VPS50: variants seen among roughly 807,000 people sequenced by gnomAD.
VPS50 encodes the protein VPS50 subunit of EARP/GARPII complex.
A neutral mutation model predicts 139.7 loss-of-function variants in VPS50; 70 were observed. That is an observed-to-expected ratio of 0.50 (90% CI 0.41 to 0.61). VPS50 has a LOEUF of 0.61. Among genes scored for constraint, VPS50 ranks in the 20% least tolerant of loss-of-function variants. VPS50 has a pLI of 0.00. For missense variants in VPS50, 921 were observed against 1,133.7 expected, an observed-to-expected ratio of 0.81 and a Z score of 2.69; for synonymous variants, 365 against 376.7, an observed-to-expected ratio of 0.97 and a Z score of 0.36.
At chr7:93,261,470 G>A (rs1379793992) in intron 9 of VPS50, among the ~76,000 whole-genome samples, 2 of 152,070 alleles carry the variant, frequency 1.3e-5, no homozygotes, top group Non-Finnish European at 2.9e-5. Context: ...GAGGTCAGGA[G>A]ATCGAGACCA....
intron 12 of VPS50, among the ~76,000 whole-genome samples, chr7:93,289,390 T>G (rs1796584546): frequency 1.3e-5 from 2 of 152,098 alleles, no homozygotes; most frequent in African/African-American, 4.8e-5. Flanking sequence ...CCCCAAACTT[T>G]TAAGAATTCT....
chr7:93,284,522 C>T (rs1230633892), intron 12 of VPS50, among the ~76,000 whole-genome samples: 1 of 152,094 alleles, frequency 6.6e-6, no homozygotes, highest in East Asian at 1.9e-4. Flanking sequence ...TTATTTATAT[C>T]ATACATATTA....
At chr7:93,246,082 C>CTTT in intron 2 of VPS50, 6 of 1,183,812 alleles carry the variant, frequency 5.1e-6, no homozygotes, top group Non-Finnish European at 6.8e-6. Context: ...CTAAACGCTT[C>CTTT]TTTTTTTTTT....
Position 93,306,010 on chromosome 7 carries a change from T to C in VPS50, c.1629+6T>C. 6.2e-7 allele frequency: 1 copy of C among 1,602,664 alleles called. No homozygotes were observed. Among genetic ancestry groups the C allele is most frequent in the Non-Finnish European group, 8.5e-7 (1 of 1,172,156 alleles). ...ATGTCTTAGCTTCTAATGGGGTATG[T>C]GGTGTATGTGAAACATAAGTGAGTT... is the stretch of plus-strand genomic sequence containing the variant. On this transcript the variant is annotated splice_donor_region_variant and intron_variant, in intron 18 of 27. Coordinates refer to ENST00000305866, the MANE Select transcript of VPS50 (RefSeq NM_017667.4).
At chr7:93,265,633 C>T (rs769275247) in intron 9 of VPS50, among the ~76,000 whole-genome samples, 10 of 152,054 alleles carry the variant, frequency 6.6e-5, no homozygotes, top group Non-Finnish European at 1.0e-4. Flanking sequence ...GGTACAATCT[C>T]GGTTCACTGC....
chr7:93,325,572 A>C (rs1225461994), intron 21 of VPS50, among the ~76,000 whole-genome samples: 1 of 152,114 alleles, frequency 6.6e-6, no homozygotes, highest in Non-Finnish European at 1.5e-5. Flanking sequence ...GCTAATATCC[A>C]GAATCTACAA....
At chr7:93,341,078 C>T (rs541052194) in intron 22 of VPS50, among the ~76,000 whole-genome samples, 38 of 152,140 alleles carry the variant, frequency 2.5e-4, no homozygotes, top group Non-Finnish European at 5.6e-4. Context: ...GCATGGTTCT[C>T]AAGGGGTAAT....
intron 14 of VPS50, among the ~76,000 whole-genome samples, 155 bp downstream of exon 14, chr7:93,294,791 T>C (rs1298876515): frequency 6.6e-6 from 1 of 152,182 alleles, no homozygotes; most frequent in African/African-American, 2.4e-5. Flanking sequence ...ATTTCTGTAA[T>C]GTATTTGGAC....
intron 23 of VPS50, among the ~76,000 whole-genome samples, chr7:93,344,300 C>T (rs1482985715): frequency 6.6e-6 from 1 of 152,086 alleles, no homozygotes; most frequent in Non-Finnish European, 1.5e-5. Context: ...TATATATGCA[C>T]CCCAATACAG....
At chr7:93,254,655 A>G (rs1795435356) in intron 4 of VPS50, among the ~76,000 whole-genome samples, 1 of 152,160 alleles carries the variant, frequency 6.6e-6, no homozygotes, top group South Asian at 2.1e-4. Context: ...TGAGTAAATC[A>G]TTTAACCTCA....
intron 25 of VPS50, among the ~76,000 whole-genome samples, chr7:93,350,604 C>T (rs549785089): frequency 1.3e-5 from 2 of 152,016 alleles, no homozygotes; most frequent in African/African-American, 4.8e-5. Flanking sequence ...AACTTATGTG[C>T]CCTCAAGGAA....
At chr7:93,330,859 T>C (rs979576668) in intron 21 of VPS50, among the ~76,000 whole-genome samples, 12 of 151,476 alleles carry the variant, frequency 7.9e-5, no homozygotes, top group African/African-American at 2.9e-4. Flanking sequence ...GAAAAGAAGT[T>C]AGGTTGTCCT....
intron 3 of VPS50, 59 bp downstream of exon 3, chr7:93,252,834 T>A: frequency 1.4e-6 from 2 of 1,392,484 alleles, no homozygotes; most frequent in Non-Finnish European, 2.0e-6. Flanking sequence ...ATTGGATTTA[T>A]GAGATTTGAA....
intron 9 of VPS50, among the ~76,000 whole-genome samples, chr7:93,265,664 A>G (rs568294780): frequency 1.9e-3 from 285 of 152,188 alleles, no homozygotes; most frequent in Non-Finnish European, 2.9e-3. Context: ...TCCCTGATTC[A>G]AGTGATTCTC....
Position 93,276,147 on chromosome 7 carries a change from G to T in VPS50, c.802-18G>T. 1.3e-6 allele frequency: 2 copies of T among 1,539,406 alleles called. No individual in the cohort carries two copies. The highest frequency in any genetic ancestry group is 1.8e-6 in the Non-Finnish European group (2 of 1,139,804). On this transcript the variant is annotated intron_variant, in intron 11 of 27. Transcript: ENST00000305866. ...TTAATAATGTGAAATTATGTTGTGC[G>T]TTTTTTTCTTTCCACAGACAGCAAT...
At chr7:93,239,116 A>G (rs774501564) in intron 1 of VPS50, among the ~76,000 whole-genome samples, 1 of 152,224 alleles carries the variant, frequency 6.6e-6, no homozygotes, top group African/African-American at 2.4e-5. Context: ...TGTATCATAA[A>G]TCTCTCCTCA....
intron 15 of VPS50, 119 bp from the exon 16 acceptor site, chr7:93,297,026 A>G: frequency 6.9e-7 from 1 of 1,456,802 alleles, no homozygotes; most frequent in Non-Finnish European, 9.0e-7. Context: ...TGATCTTTAG[A>G]ATTTTTTCAC....
At chr7:93,305,649 C>T (rs915517353) in intron 17 of VPS50, among the ~76,000 whole-genome samples, 179 bp from the exon 18 acceptor site, 1 of 151,762 alleles carries the variant, frequency 6.6e-6, no homozygotes, top group Admixed American at 6.6e-5. Context: ...TTTAGGAAAA[C>T]CTTTAGATGT....
At chr7:93,255,205 A>C (rs1795451637) in intron 4 of VPS50, among the ~76,000 whole-genome samples, 1 of 152,140 alleles carries the variant, frequency 6.6e-6, no homozygotes. Flanking sequence ...AACTCAGCAT[A>C]ATGTAGAATC....
Sources: gnomAD v4.1 joint callset for allele counts (sites outside exome capture counted in the v4.1 genomes callset) on GRCh38, gnomAD v4.1.1 for gene constraint, MANE v1.5 for transcripts, NCBI Gene and HGNC (gene_info 2026-07-23, HGNC 2026-07-21) for gene names.